MCTP2: variants seen among roughly 807,000 people sequenced by gnomAD.
MCTP2 encodes the protein multiple C2 and transmembrane domain-containing protein 2.
A neutral mutation model predicts 111.6 loss-of-function variants in MCTP2; 132 were observed. The observed-to-expected ratio is 1.18, with a 90% confidence interval of 1.03 to 1.37. The LOEUF is 1.37. Ranked by LOEUF, MCTP2 falls within the 40% of genes most tolerant of loss-of-function variation. MCTP2 has a pLI of 0.00. For missense variants in MCTP2, 1,183 were observed against 1,067.9 expected (o/e 1.11, Z -1.50); for synonymous variants, 395 against 387.7 (o/e 1.02, Z -0.22).
intron 4 of MCTP2, among the ~76,000 whole-genome samples, chr15:94,327,432 G>T (rs1005313432): frequency 1.3e-5 from 2 of 152,186 alleles, no homozygotes; most frequent in African/African-American, 4.8e-5. Context: ...TATTGATGTT[G>T]TTCTCTTGTT....
chr15:94,250,081 C>T (rs532489649), intron 1 of MCTP2, among the ~76,000 whole-genome samples: 1 of 151,852 alleles, frequency 6.6e-6, no homozygotes, highest in African/African-American at 2.4e-5. Flanking sequence ...CATACTTGTA[C>T]ATCACTTCAC....
chr15:94,478,320 C>T (rs937934520), intron 22 of MCTP2, among the ~76,000 whole-genome samples: 2 of 152,228 alleles, frequency 1.3e-5, no homozygotes, highest in African/African-American at 4.8e-5. Flanking sequence ...AGCAAAAGAA[C>T]ATTCCAGGAA....
rs556507448 is a variant in MCTP2 at position 94,279,515 on chromosome 15, AGGGACTAT to A, written c.-65-18682_-65-18675del. On this transcript the variant is annotated intron_variant, in intron 1 of 22. Coordinates refer to ENST00000357742, the MANE Select transcript of MCTP2 (RefSeq NM_001385001.1). ...TTATCAATTCTAGGAGGCTTTGAGC[AGGGACTAT>A]GGGGTTTTCTAGGTAAAGAATTGTA... 7.3e-3 allele frequency among the ~76,000 whole-genome samples: 1,111 copies of A among 152,204 alleles called. 6 individuals carry two copies. Among genetic ancestry groups the A allele is most frequent in the Middle Eastern group, 0.014 (4 of 294 alleles).
In MCTP2 at chr15:94,390,061, T is replaced by TAC. The variant is rs2080793270; in HGVS notation, c.1788+4537_1788+4538insCA. 7.2e-4 allele frequency among the ~76,000 whole-genome samples: 6 copies of TAC among 8,318 alleles called. 2 individuals are homozygous for TAC. The highest frequency in any genetic ancestry group is 1.6e-3 in the Non-Finnish European group (4 of 2,480). The allele number at this position is 8,318 out of a possible 152,430, so 5.5% of individuals were successfully genotyped here. On this transcript the variant is annotated intron_variant, in intron 14 of 22. Transcript: ENST00000357742. ...TGAATGTTCAAGGCATATATATATA[T>TAC]ATATATATATATATATATATATATA...
At position 94,256,466 on chromosome 15, in the gene MCTP2, C is replaced by T. The variant is rs569184020; in HGVS notation, c.-66+24802C>T. ...AATAACAACTTTTATTGATGATATA[C>T]TAAACTTTGTCCTTAAGCTGTTCTC... On this transcript the variant is annotated intron_variant, in intron 1 of 22. Transcript: ENST00000357742. Among the ~76,000 whole-genome samples, 3 of 152,296 alleles carry T rather than the reference C, an allele frequency of 2.0e-5. No homozygotes were observed. In the South Asian group the frequency reaches 6.2e-4, roughly 32 times the overall value.
chr15:94,436,594 A>G (rs1243395522), intron 17 of MCTP2, among the ~76,000 whole-genome samples: 2 of 152,144 alleles, frequency 1.3e-5, no homozygotes, highest in Non-Finnish European at 2.9e-5. Context: ...AGTATTCCCG[A>G]TAGAGGCCAA....
intron 1 of MCTP2, among the ~76,000 whole-genome samples, chr15:94,245,643 TATAC>T (rs2071914087): frequency 6.8e-6 from 1 of 146,272 alleles, no homozygotes; most frequent in Admixed American, 6.9e-5. Flanking sequence ...TACTTATACA[TATAC>T]ATATGTATAT....
chr15:94,247,847 GATGTTAATAAA>G (rs1307034149), intron 1 of MCTP2, among the ~76,000 whole-genome samples: 1 of 152,132 alleles, frequency 6.6e-6, no homozygotes, highest in Non-Finnish European at 1.5e-5. Context: ...ATTCAGTCAT[GATGTTAATAAA>G]ACGAATCCTC....
intron 1 of MCTP2, among the ~76,000 whole-genome samples, chr15:94,293,638 A>G (rs981728085): frequency 6.6e-6 from 1 of 152,224 alleles, no homozygotes; most frequent in Non-Finnish European, 1.5e-5. Flanking sequence ...GAGCAGCAGT[A>G]GCTCATACAC....
chr15:94,321,229 C>T (rs934486), intron 4 of MCTP2, among the ~76,000 whole-genome samples: 71,051 of 151,888 alleles, frequency 0.47, 18,627 homozygotes, highest in East Asian at 0.62. Context: ...GAATAAGTTA[C>T]AGTGTTCAAT....
At chr15:94,428,181 CATG>C (rs987031387) in intron 17 of MCTP2, among the ~76,000 whole-genome samples, 1 of 152,124 alleles carries the variant, frequency 6.6e-6, no homozygotes, top group African/African-American at 2.4e-5. Context: ...TATTTAAGTT[CATG>C]AGGGTCTTCT....
intron 1 of MCTP2, among the ~76,000 whole-genome samples, chr15:94,257,401 G>A (rs145490880): frequency 1.2e-4 from 19 of 152,028 alleles, no homozygotes; most frequent in African/African-American, 4.6e-4. Flanking sequence ...GGAATTTTGA[G>A]GGTAGATGCT....
rs2078748416 is a variant in MCTP2, at chr15:94,358,465, A to G, written c.1171-17A>G. 1 of 1,601,252 alleles carries G rather than the reference A, an allele frequency of 6.2e-7. No homozygotes were observed. Among genetic ancestry groups the G allele is most frequent in the African/African-American group, 1.3e-5 (1 of 74,336 alleles). ...GACATTTTAAGAAAATAAATATTAT[A>G]ACTGCATGTTTTCTAGACACTGTGT... On this transcript the variant is annotated splice_polypyrimidine_tract_variant and intron_variant, in intron 9 of 22. Coordinates refer to ENST00000357742, the MANE Select transcript of MCTP2 (RefSeq NM_001385001.1).
intron 4 of MCTP2, among the ~76,000 whole-genome samples, chr15:94,333,529 T>C (rs537630679): frequency 2.0e-5 from 3 of 152,240 alleles, no homozygotes; most frequent in Non-Finnish European, 4.4e-5. Flanking sequence ...GTTCTTGAGC[T>C]GTTCAATGTG....
At position 94,251,271 on chromosome 15, in the gene MCTP2, C is replaced by T. The variant is rs143627067; in HGVS notation, c.-66+19607C>T. Among the ~76,000 whole-genome samples the T allele has an allele frequency of 6.0e-3, 908 of 152,222 alleles. 2 individuals are homozygous for T. The highest frequency in any genetic ancestry group is 0.021 in the African/African-American group (867 of 41,542). On this transcript the variant is annotated intron_variant, in intron 1 of 22. Transcript: ENST00000357742. The stretch of plus-strand genomic sequence containing the variant: ...AAATGTGTCAGTTTCTAGACCTGTA[C>T]ATTCATTCCAACTTGGCTTAAAATT...
intron 20 of MCTP2, among the ~76,000 whole-genome samples, chr15:94,465,153 A>G (rs925656326): frequency 2.6e-5 from 4 of 152,092 alleles, no homozygotes; most frequent in African/African-American, 9.7e-5. Context: ...TAAAATTATT[A>G]TATTTTCTTG....
At chr15:94,426,275 T>C (rs975047061) in intron 17 of MCTP2, among the ~76,000 whole-genome samples, 1 of 152,168 alleles carries the variant, frequency 6.6e-6, no homozygotes, top group Non-Finnish European at 1.5e-5. Context: ...GTATCACTTA[T>C]AGCTTTTTCC....
At chr15:94,472,618 C>T (rs2074022146) in intron 21 of MCTP2, among the ~76,000 whole-genome samples, 1 of 152,172 alleles carries the variant, frequency 6.6e-6, no homozygotes, top group Non-Finnish European at 1.5e-5. Context: ...CTCTCTTGGG[C>T]TGTCAGTAAC....
chr15:94,239,265 G>A (rs1353636355), intron 1 of MCTP2, among the ~76,000 whole-genome samples: 1 of 152,188 alleles, frequency 6.6e-6, no homozygotes, highest in African/African-American at 2.4e-5. Context: ...TAAAAGATAT[G>A]TATATAGATA....
Sources: allele counts gnomAD v4.1 joint callset (sites outside exome capture counted in the v4.1 genomes callset), GRCh38; gene constraint gnomAD v4.1.1; transcripts MANE v1.5; gene names NCBI Gene and HGNC (gene_info 2026-07-23, HGNC 2026-07-21).